MYO16: variants seen among roughly 807,000 people sequenced by gnomAD.
MYO16 encodes myosin XVI.
Under a neutral mutation model 205.3 loss-of-function variants are expected in MYO16, and 94 were observed. That is an observed-to-expected ratio of 0.46 (90% confidence interval 0.39 to 0.54). MYO16 has a LOEUF of 0.54. MYO16 is among the 20% of genes least tolerant of loss of function. The probability of loss-of-function intolerance (pLI) is 0.00; values close to 1 mark genes in which losing one functional copy is unlikely to be tolerated. For missense variants in MYO16, 2,315 were observed against 2,387.5 expected (o/e 0.97, Z 0.63); for synonymous variants, 988 against 954.0 (o/e 1.04, Z -0.66).
intron 28 of MYO16, among the ~76,000 whole-genome samples, chr13:109,113,441 G>T (rs1173447607): frequency 6.6e-6 from 1 of 152,040 alleles, no homozygotes; most frequent in East Asian, 1.9e-4. Flanking sequence ...ACATCATCCT[G>T]AAAATCATTA....
At chr13:108,912,808 A>G (rs1245770961) in intron 16 of MYO16, among the ~76,000 whole-genome samples, 2 of 152,024 alleles carry the variant, frequency 1.3e-5, no homozygotes, top group African/African-American at 2.4e-5. Context: ...TACGTAGCTT[A>G]GAGTGCATCT....
At chr13:108,974,820 G>T (rs1298630267) in intron 20 of MYO16, among the ~76,000 whole-genome samples, 1 of 152,096 alleles carries the variant, frequency 6.6e-6, no homozygotes, top group Non-Finnish European at 1.5e-5. Context: ...AAGGATCTTG[G>T]TCATTAGGGA....
chr13:108,627,999 TCA>T (rs143318644), upstream of MYO16, among the ~76,000 whole-genome samples: 2,949 of 152,310 alleles, frequency 0.019, 79 homozygotes, highest in African/African-American at 0.068. Context: ...TCACATAAAT[TCA>T]CAGTTATTTT....
At chr13:108,786,710 G>C (rs1245392863) in intron 5 of MYO16, among the ~76,000 whole-genome samples, 2 of 152,218 alleles carry the variant, frequency 1.3e-5, no homozygotes, top group Non-Finnish European at 2.9e-5. Context: ...CTTATTCTCT[G>C]TGAAAGCAAG....
chr13:108,600,619 G>C (rs1019833244), intron 1 of MYO16, among the ~76,000 whole-genome samples: 6 of 152,096 alleles, frequency 3.9e-5, no homozygotes, highest in African/African-American at 1.4e-4. Context: ...GTAAATGGTG[G>C]GGAAAACCAT....
chr13:108,990,206 C>T (rs374538833), intron 20 of MYO16, among the ~76,000 whole-genome samples: 4 of 151,278 alleles, frequency 2.6e-5, no homozygotes, highest in East Asian at 1.9e-4. Context: ...CAAAAAATCA[C>T]GCTAAGCCTC....
chr13:108,823,371 T>C, intron 9 of MYO16, 93 bp downstream of exon 9: 1 of 1,188,842 alleles, frequency 8.4e-7, no homozygotes, highest in Non-Finnish European at 1.2e-6. Flanking sequence ...GCCAAAGAGT[T>C]AGAACAATTA....
chr13:108,751,262 C>T (rs1443749164), intron 4 of MYO16, among the ~76,000 whole-genome samples: 1 of 151,962 alleles, frequency 6.6e-6, no homozygotes, highest in East Asian at 1.9e-4. Context: ...ATGAAATTTA[C>T]AAGAAAAGCC....
At chr13:109,196,391 T>C (rs1403751437) in intron 34 of MYO16, among the ~76,000 whole-genome samples, 1 of 152,196 alleles carries the variant, frequency 6.6e-6, no homozygotes, top group Non-Finnish European at 1.5e-5. Context: ...GAAAACCTAA[T>C]AAATAGAAGG....
chr13:108,686,900 A>G (rs557914441), intron 2 of MYO16, among the ~76,000 whole-genome samples: 6 of 152,306 alleles, frequency 3.9e-5, no homozygotes, highest in African/African-American at 1.4e-4. Context: ...AGGGGAAGGC[A>G]TGGGTCATGG....
intron 15 of MYO16, among the ~76,000 whole-genome samples, chr13:108,905,735 T>C (rs1359171772): frequency 6.6e-6 from 1 of 150,452 alleles, no homozygotes; most frequent in South Asian, 2.1e-4. Context: ...TTTGATGATA[T>C]TGTTTCCTTT....
At chr13:108,887,398 T>G (rs1445695090) in intron 13 of MYO16, among the ~76,000 whole-genome samples, 4 of 152,230 alleles carry the variant, frequency 2.6e-5, no homozygotes, top group Non-Finnish European at 4.4e-5. Context: ...AAAAGGGCTT[T>G]AAAAAGTTTT....
chr13:108,871,324 G>GTA (rs201828481), intron 12 of MYO16, among the ~76,000 whole-genome samples: 6,486 of 38,020 alleles, frequency 0.17, 210 homozygotes, highest in Non-Finnish European at 0.23. Context: ...ATGTGACTTT[G>GTA]TGTGTGTGTG....
the MYO16 span, among the ~76,000 whole-genome samples, chr13:108,561,195 T>G: frequency 6.6e-6 from 1 of 152,236 alleles, no homozygotes; most frequent in Non-Finnish European, 1.5e-5. Context: ...AATACATTGA[T>G]CAGGTATAAT....
chr13:108,649,100 G>T lies in MYO16; in HGVS notation c.29-16786G>T, dbSNP rs543648225. Among the ~76,000 whole-genome samples, 57 of 151,774 alleles carry T rather than the reference G, an allele frequency of 3.8e-4. 1 individual carries two copies. Among genetic ancestry groups the T allele is most frequent in the African/African-American group, 1.2e-3 (48 of 41,364 alleles). The stretch of plus-strand genomic sequence containing the variant: ...GGGATGGGGGGAGGGGGGAGGGATA[G>T]CATTAGGAGCTATACCTAATGTTAA... On this transcript the variant is annotated intron_variant, in intron 1 of 34. Coordinates refer to ENST00000457511, the MANE Select transcript of MYO16 (RefSeq NM_001198950.3).
chr13:109,107,120 T>G (rs1484806966), intron 28 of MYO16, among the ~76,000 whole-genome samples: 3 of 152,108 alleles, frequency 2.0e-5, no homozygotes, highest in Non-Finnish European at 2.9e-5. Context: ...TGTGCATGCG[T>G]GTATGTAAAA....
Position 109,140,449 on chromosome 13 carries a change from A to T in MYO16, c.4237A>T (p.Thr1413Ser). 1 of 1,548,258 alleles carries T rather than the reference A, an allele frequency of 6.5e-7. No individual in the cohort carries two copies. Among genetic ancestry groups the T allele is most frequent in the Non-Finnish European group, 8.7e-7 (1 of 1,154,806 alleles). The change falls in exon 32 of 35, where the codon ACT (threonine) becomes TCT (serine). Residue 1413 changes from threonine to serine, a missense_variant. Thr to Ser is a moderately conservative substitution (Grantham distance 58). Transcript: ENST00000457511. This position sits in a 1 kb window ranked among gnomAD's most constrained non-coding sequence, Gnocchi z 8.0. Reference protein sequence around the residue: ...GAAARVLTPGTPQCALPPAAP... With the variant: ...GAAARVLTPGSPQCALPPAAP... ...AGCAGCGCGCGTTCTGACCCCCGGGACTCCGCAGTGCGCGCTGCCCCCGGC... is the reference window on the plus strand; with the variant it reads ...AGCAGCGCGCGTTCTGACCCCCGGGTCTCCGCAGTGCGCGCTGCCCCCGGC...
intron 1 of MYO16, among the ~76,000 whole-genome samples, chr13:108,663,864 C>T (rs912215423): frequency 1.3e-5 from 2 of 152,128 alleles, no homozygotes; most frequent in Non-Finnish European, 2.9e-5. Context: ...ATCCCCTGGG[C>T]ACCTAATGAC....
At chr13:108,707,350 A>C (rs918519024) in intron 2 of MYO16, among the ~76,000 whole-genome samples, 2 of 152,220 alleles carry the variant, frequency 1.3e-5, no homozygotes, top group African/African-American at 4.8e-5. Context: ...GACGTCAAGG[A>C]ACATAGGGAT....
Sources: allele counts gnomAD v4.1 joint callset (sites outside exome capture counted in the v4.1 genomes callset), GRCh38; gene constraint gnomAD v4.1.1; non-coding constraint Gnocchi (gnomAD v3.1); transcripts MANE v1.5; gene names NCBI Gene and HGNC (gene_info 2026-07-23, HGNC 2026-07-21).